TUT4: variants seen among roughly 807,000 people sequenced by gnomAD.
TUT4 encodes the protein terminal uridylyl transferase 4, also known as terminal uridylyltransferase 4.
TUT4 carries 36 observed loss-of-function variants against 192.2 expected under a neutral mutation model. That is an observed-to-expected ratio of 0.19 (90% CI 0.14 to 0.25). TUT4 has a LOEUF of 0.25. Among genes scored for constraint, TUT4 ranks in the 10% least tolerant of loss-of-function variants. TUT4 has a pLI of 1.00. For missense variants in TUT4, 1,493 were observed against 1,957.2 expected, an observed-to-expected ratio of 0.76 and a Z score of 4.47; for synonymous variants, 618 against 666.0, an observed-to-expected ratio of 0.93 and a Z score of 1.11.
chr1:52,458,540 C>A, intron 19 of TUT4, 91 bp from the exon 20 acceptor site: 2 of 954,604 alleles, frequency 2.1e-6, no homozygotes. Flanking sequence ...TTTTTTAACC[C>A]ACAGAACTGG....
chr1:52,543,127 C>T (rs918085954), intron 1 of TUT4, among the ~76,000 whole-genome samples: 2 of 152,112 alleles, frequency 1.3e-5, no homozygotes, highest in Non-Finnish European at 2.9e-5. Flanking sequence ...AAACAAAACG[C>T]ATCTCAATTG....
rs745843333 is a variant in TUT4 at position 52,481,784 on chromosome 1, T to C, written c.1635+20A>G. The C allele has an allele frequency of 6.4e-6, 10 of 1,569,788 alleles. No homozygotes were observed. Among genetic ancestry groups the C allele is most frequent in the East Asian group, 2.3e-5 (1 of 44,434 alleles). On this transcript the variant is annotated intron_variant, in intron 10 of 29. Coordinates refer to ENST00000257177, the MANE Select transcript of TUT4 (RefSeq NM_001009881.3). ...AACTATATATATATATGCATATATATGTCACAAATTCATGCTTACCCAACT... is the reference window on the plus strand; with the variant it reads ...AACTATATATATATATGCATATATACGTCACAAATTCATGCTTACCCAACT...
intron 13 of TUT4, among the ~76,000 whole-genome samples, chr1:52,474,027 C>T (rs896565023): frequency 6.6e-5 from 10 of 152,006 alleles, no homozygotes; most frequent in African/African-American, 1.9e-4. Flanking sequence ...GGCAACATGG[C>T]GAAATCCCAT....
At chr1:52,453,069 T>C (rs1426054640) in intron 20 of TUT4, among the ~76,000 whole-genome samples, 3 of 152,132 alleles carry the variant, frequency 2.0e-5, no homozygotes, top group Non-Finnish European at 4.4e-5. Context: ...GTGATTATTG[T>C]TGTTGAGTAA....
Position 52,461,699 on chromosome 1 carries a change from T to A in TUT4, c.3127+13A>T. ...ATTTATTTTGTTTTACAGATAAGAT[T>A]CAAAATTCATACCTGGATGTCTCTT... On this transcript the variant is annotated intron_variant, in intron 17 of 29. Transcript: ENST00000257177. The A allele has an allele frequency of 6.5e-7, 1 of 1,527,712 alleles. No individual in the cohort carries two copies. Among genetic ancestry groups the A allele is most frequent in the Non-Finnish European group, 8.9e-7 (1 of 1,123,320 alleles). The allele number at this position is 1,527,712 out of a possible 1,614,324, so 94.6% of individuals were successfully genotyped here. A position where few individuals can be genotyped will look rare whatever the true frequency, so the allele number is the denominator to read the frequency against.
intron 4 of TUT4, among the ~76,000 whole-genome samples, chr1:52,504,347 T>C (rs1021698610): frequency 6.6e-6 from 1 of 152,026 alleles, no homozygotes; most frequent in African/African-American, 2.4e-5. Context: ...AAATACATGT[T>C]ATGGCCAGGT....
Position 52,487,446 on chromosome 1 carries a change from AAAC to A in TUT4, c.1515+1460_1515+1462del, listed in dbSNP as rs201982244. Among the ~76,000 whole-genome samples the A allele has an allele frequency of 3.5e-3, 527 of 152,058 alleles. 7 individuals carry two copies. The highest frequency in any genetic ancestry group is 0.032 in the South Asian group (154 of 4,788). Reference sequence around the variant, plus strand: ...TAGGTGACAGAGACCTCATCTCAAAAAACAAAAAAAAACTTAGTAAAAAAAACC... The same window carrying A: ...TAGGTGACAGAGACCTCATCTCAAAAAAAAAAAAACTTAGTAAAAAAAACC... On this transcript the variant is annotated intron_variant, in intron 9 of 29. Coordinates refer to ENST00000257177, the MANE Select transcript of TUT4 (RefSeq NM_001009881.3).
intron 20 of TUT4, among the ~76,000 whole-genome samples, chr1:52,448,524 G>A (rs972863242): frequency 1.3e-5 from 2 of 149,122 alleles, no homozygotes; most frequent in Non-Finnish European, 3.0e-5. Flanking sequence ...AGGAGATTGA[G>A]GTTGCAATGA....
intron 20 of TUT4, among the ~76,000 whole-genome samples, chr1:52,450,270 C>T (rs1489572764): frequency 6.6e-6 from 1 of 152,142 alleles, no homozygotes; most frequent in Non-Finnish European, 1.5e-5. Flanking sequence ...ATGGTCAATA[C>T]TTAAATGATG....
chr1:52,437,116 T>A, intron 25 of TUT4, 138 bp from the exon 26 acceptor site: 1 of 1,210,748 alleles, frequency 8.3e-7, no homozygotes, highest in Non-Finnish European at 1.1e-6. Context: ...GAACAAACAT[T>A]TATGGCACAC....
At position 52,423,491 on chromosome 1, in the gene TUT4, A is replaced by C. The variant is rs1250944624; in HGVS notation, c.*444T>G. Reference sequence around the variant, plus strand: ...AAGAATAGAAGTGACAATTTAAAACACATGAAATTCTTTCCTAACTTTTAA... The same window carrying C: ...AAGAATAGAAGTGACAATTTAAAACCCATGAAATTCTTTCCTAACTTTTAA... On this transcript the variant is annotated 3_prime_UTR_variant, in exon 30 of 30. Coordinates refer to ENST00000257177, the MANE Select transcript of TUT4 (RefSeq NM_001009881.3). The C allele has an allele frequency of 5.3e-6, 1 of 187,170 alleles. No individual in the cohort carries two copies. Among genetic ancestry groups the C allele is most frequent in the African/African-American group, 2.4e-5 (1 of 41,734 alleles). 11.6% of individuals were successfully genotyped at this position (187,170 alleles called of 1,614,324 possible). A position where few individuals can be genotyped will look rare whatever the true frequency, so the allele number is the denominator to read the frequency against.
chr1:52,472,480 AT>A (rs2148853863), intron 13 of TUT4, among the ~76,000 whole-genome samples: 1 of 151,944 alleles, frequency 6.6e-6, no homozygotes, highest in South Asian at 2.1e-4. Context: ...TGCACCTTTC[AT>A]TTCACTCCAA....
chr1:52,535,306 C>G (rs774921500), intron 1 of TUT4, among the ~76,000 whole-genome samples: 6 of 151,868 alleles, frequency 4.0e-5, no homozygotes, highest in African/African-American at 1.2e-4. Context: ...TCTTTTTGTT[C>G]TCCTTCCTAG....
chr1:52,470,033 G>A (rs567402876), intron 14 of TUT4, among the ~76,000 whole-genome samples: 1 of 152,154 alleles, frequency 6.6e-6, no homozygotes, highest in African/African-American at 2.4e-5. Flanking sequence ...AGCACATCTA[G>A]TGTTCAGGTC....
At chr1:52,500,004 C>T (rs1168389887) in intron 4 of TUT4, among the ~76,000 whole-genome samples, 2 of 151,460 alleles carry the variant, frequency 1.3e-5, no homozygotes, top group Admixed American at 6.6e-5. Context: ...TGTCTGTAAT[C>T]CCAGCTACTT....
At chr1:52,474,775 T>C (rs1666671215) in intron 13 of TUT4, 57 bp downstream of exon 13, 5 of 1,395,044 alleles carry the variant, frequency 3.6e-6, no homozygotes, top group Non-Finnish European at 4.8e-6. Flanking sequence ...CTAAAAAATA[T>C]ACATAGTCAT....
At chr1:52,480,169 A>G (rs1459323709) in intron 11 of TUT4, among the ~76,000 whole-genome samples, 2 of 152,162 alleles carry the variant, frequency 1.3e-5, no homozygotes, top group African/African-American at 4.8e-5. Context: ...GGGATTACCA[A>G]GGGAATGTAC....
chr1:52,508,983 T>C (rs777565621), intron 4 of TUT4, among the ~76,000 whole-genome samples: 22 of 152,174 alleles, frequency 1.4e-4, no homozygotes, highest in Non-Finnish European at 2.9e-4. Context: ...GTTCCAATCA[T>C]ACTAGACTTA....
chr1:52,468,083 C>T (rs1664734155), intron 15 of TUT4, 98 bp downstream of exon 15: 1 of 894,312 alleles, frequency 1.1e-6, no homozygotes, highest in East Asian at 2.7e-5. Flanking sequence ...TAGAACAGTA[C>T]TTAACACATA....
Sources: gnomAD v4.1 joint callset for allele counts (sites outside exome capture counted in the v4.1 genomes callset) on GRCh38, gnomAD v4.1.1 for gene constraint, MANE v1.5 for transcripts, NCBI Gene and HGNC (gene_info 2026-07-23, HGNC 2026-07-21) for gene names.